The following MTOR variants were observed in gnomAD, a reference collection of about 807,000 sequenced individuals.
The protein encoded by MTOR is serine/threonine-protein kinase mTOR.
MTOR carries 70 observed loss-of-function variants against 319.8 expected under a neutral mutation model. That is an observed-to-expected ratio of 0.22 (90% confidence interval 0.18 to 0.27). The LOEUF (loss-of-function observed/expected upper bound fraction) is 0.27, where lower values mean the gene tolerates loss of function less well. MTOR is among the 10% of genes least tolerant of loss of function. The probability of loss-of-function intolerance (pLI) is 1.00; values close to 1 mark genes in which losing one functional copy is unlikely to be tolerated. For missense variants in MTOR, 1,890 were observed against 3,274.4 expected (o/e 0.58, Z 10.32); for synonymous variants, 1,183 against 1,211.4 (o/e 0.98, Z 0.49).
At position 11,133,774 on chromosome 1, in the gene MTOR, GCA is replaced by G. The variant is rs1643271686; in HGVS notation, c.5246+575_5246+576del. 1.3e-5 allele frequency among the ~76,000 whole-genome samples: 2 copies of G among 152,340 alleles called. No individual in the cohort carries two copies. The highest frequency in any genetic ancestry group is 4.1e-4 in the South Asian group (2 of 4,828). ...TCTGAAGTCAAATATCAAATCTGCA[GCA>G]CAGAGTGGCACAGTGGCCCACACCT... On this transcript the variant is annotated intron_variant, in intron 37 of 57. Transcript: ENST00000361445. This position sits in a 1 kb window ranked among gnomAD's most constrained non-coding sequence, Gnocchi z 4.0.
intron 54 of MTOR, among the ~76,000 whole-genome samples, chr1:11,112,088 A>C (rs946201777): frequency 3.3e-5 from 5 of 152,294 alleles, no homozygotes; most frequent in African/African-American, 1.2e-4. Context: ...AGGTTTCCAC[A>C]CACAAAAAGG....
chr1:11,174,017 T>C (rs1333482893), intron 28 of MTOR, among the ~76,000 whole-genome samples: 1 of 152,256 alleles, frequency 6.6e-6, no homozygotes, highest in Non-Finnish European at 1.5e-5. Flanking sequence ...CCTGTGAAAC[T>C]ATTATTAATA....
chr1:11,111,144 T>G (rs957132834), intron 54 of MTOR: 1 of 455,782 alleles, frequency 2.2e-6, no homozygotes, highest in African/African-American at 2.0e-5. Context: ...GAAACACCCT[T>G]TTCCTTTCTA....
At chr1:11,251,909 T>C (rs1017205010) in intron 6 of MTOR, among the ~76,000 whole-genome samples, 4 of 152,186 alleles carry the variant, frequency 2.6e-5, no homozygotes, top group African/African-American at 4.8e-5. Context: ...AACAAAGATC[T>C]CAGAGGTGCC....
intron 19 of MTOR, among the ~76,000 whole-genome samples, chr1:11,223,505 A>C (rs1646734905): frequency 6.6e-6 from 1 of 152,160 alleles, no homozygotes; most frequent in Non-Finnish European, 1.5e-5. Flanking sequence ...ATAAAACCAA[A>C]TTGACAAAAT....
chr1:11,241,230 A>G (rs1647969092), intron 10 of MTOR, among the ~76,000 whole-genome samples: 1 of 150,256 alleles, frequency 6.7e-6, no homozygotes, highest in Non-Finnish European at 1.5e-5. Flanking sequence ...CTGAGGCAGG[A>G]GAATGGCGTG....
intron 36 of MTOR, among the ~76,000 whole-genome samples, chr1:11,138,646 A>T (rs137999865): frequency 7.9e-4 from 120 of 151,966 alleles, no homozygotes; most frequent in African/African-American, 2.6e-3. Flanking sequence ...GGCTAGTGAG[A>T]CTCCCTCTTC....
chr1:11,178,021 T>C (rs1645041134), intron 28 of MTOR, among the ~76,000 whole-genome samples: 1 of 152,128 alleles, frequency 6.6e-6, no homozygotes. Context: ...CTCCATTCAG[T>C]CTTCATAATT....
rs1642944124 is a variant in MTOR at position 11,128,252 on chromosome 1, G to A, written c.5911-126C>T. ...ATTAACATCTGCTTGAGACTACCAG[G>A]AAGGGGCTCAGTCTTCGAGGGAACG... is the stretch of plus-strand genomic sequence containing the variant. On this transcript the variant is annotated intron_variant, in intron 42 of 57. Coordinates refer to ENST00000361445, the MANE Select transcript of MTOR (RefSeq NM_004958.4). The surrounding 1 kb of genome is among the most constrained non-coding windows in gnomAD (Gnocchi z 5.3). 7.1e-7 allele frequency: 1 copy of A among 1,407,860 alleles called. No individual in the cohort carries two copies. The highest frequency in any genetic ancestry group is 2.0e-5 in the Admixed American group (1 of 50,104). 87.2% of individuals were successfully genotyped at this position (1,407,860 alleles called of 1,614,324 possible).
At chr1:11,142,401 G>C (rs1465882143) in intron 34 of MTOR, among the ~76,000 whole-genome samples, 3 of 152,094 alleles carry the variant, frequency 2.0e-5, no homozygotes, top group Non-Finnish European at 4.4e-5. Context: ...CGATTCTCCT[G>C]CCTCAGCCTC....
At chr1:11,194,586 T>A (rs769738671) in intron 28 of MTOR, 33 of 1,614,020 alleles carry the variant, frequency 2.0e-5, no homozygotes, top group Non-Finnish European at 2.8e-5. Context: ...TCCAGTATCA[T>A]AACAACACAG....
intron 5 of MTOR, among the ~76,000 whole-genome samples, chr1:11,254,782 T>G (rs1290299405): frequency 6.6e-6 from 1 of 151,828 alleles, no homozygotes; most frequent in East Asian, 1.9e-4. Flanking sequence ...TTTTTTTTTT[T>G]GAGACAGAGT....
chr1:11,177,387 G>A (rs554131189), intron 28 of MTOR, among the ~76,000 whole-genome samples: 30 of 150,608 alleles, frequency 2.0e-4, no homozygotes, highest in Non-Finnish European at 4.0e-4. Flanking sequence ...GCAAGACTTC[G>A]AATCTACAAA....
At chr1:11,209,065 A>C (rs1189135511) in intron 25 of MTOR, among the ~76,000 whole-genome samples, 1 of 152,216 alleles carries the variant, frequency 6.6e-6, no homozygotes, top group Non-Finnish European at 1.5e-5. Flanking sequence ...TTGCAACAAA[A>C]GGTTCTACCA....
Position 11,109,303 on chromosome 1 carries a change from T to C in MTOR, c.7515A>G (p.Arg2505=). 1 of 1,614,112 alleles carries C rather than the reference T, an allele frequency of 6.2e-7. No individual in the cohort carries two copies. The highest frequency in any genetic ancestry group is 8.5e-7 in the Non-Finnish European group (1 of 1,179,998). ...TGACACACTCACCAGTGAGCTTATC[T>C]CGAACCCTGTTAATAATCTGGATAG... The part of the protein sequence containing the change: ...KKAIQIINRV[R]DKLTGRDFSH... Residue 2505 remains arginine (R), a synonymous_variant, in exon 56 of 58, where the codon CGA becomes CGG. Coordinates refer to ENST00000361445, the MANE Select transcript of MTOR (RefSeq NM_004958.4). This position sits in a 1 kb window ranked among gnomAD's most constrained non-coding sequence, Gnocchi z 4.0.
Position 11,240,547 on chromosome 1 carries a change from G to A in MTOR, c.1542C>T (p.Ser514=), listed in dbSNP as rs2100910557. 1 of 1,613,656 alleles carries A rather than the reference G, an allele frequency of 6.2e-7. No individual in the cohort carries two copies. The highest frequency in any genetic ancestry group is 8.5e-7 in the Non-Finnish European group (1 of 1,179,688). Residue 514 remains serine (S), a splice_region_variant and synonymous_variant, in exon 11 of 58, where the codon AGC becomes AGT. Coordinates refer to ENST00000361445, the MANE Select transcript of MTOR (RefSeq NM_004958.4). The part of the protein sequence containing the change: ...LLEPMLAVGL[S]PALTAVLYDL... ...CGTAGAGCACTGCAGTGAGGGCAGG[G>A]CTGAGGGGAAGGAAACAAGTCACAT...
At chr1:11,158,196 C>T (rs1027168253) in intron 29 of MTOR, among the ~76,000 whole-genome samples, 4 of 152,164 alleles carry the variant, frequency 2.6e-5, no homozygotes, top group Non-Finnish European at 4.4e-5. Context: ...TTTGCACAGG[C>T]AAGGGTAGTG....
intron 28 of MTOR, among the ~76,000 whole-genome samples, chr1:11,170,039 G>A (rs1467050183): frequency 6.6e-6 from 1 of 152,200 alleles, no homozygotes; most frequent in African/African-American, 2.4e-5. Flanking sequence ...ATTCGTTGGG[G>A]AAGCTATGCG....
At chr1:11,194,830 C>T in intron 28 of MTOR, 1 of 1,612,776 alleles carries the variant, frequency 6.2e-7, no homozygotes, top group Non-Finnish European at 8.5e-7. Context: ...AACTTACTAG[C>T]ACTGGGTCTG....
Sources: gnomAD v4.1 joint callset for allele counts (sites outside exome capture counted in the v4.1 genomes callset) on GRCh38, gnomAD v4.1.1 for gene constraint, Gnocchi (gnomAD v3.1) non-coding constraint, MANE v1.5 for transcripts, NCBI Gene and HGNC (gene_info 2026-07-23, HGNC 2026-07-21) for gene names.